SLC35D2: variants seen among roughly 807,000 people sequenced by gnomAD.
SLC35D2 encodes nucleotide sugar transporter SLC35D2.
A neutral mutation model predicts 41.8 loss-of-function variants in SLC35D2; 43 were observed. That is an observed-to-expected ratio of 1.03 (90% confidence interval 0.81 to 1.33). The LOEUF (loss-of-function observed/expected upper bound fraction) is 1.33. Ranked by LOEUF, SLC35D2 falls within the 40% of genes most tolerant of loss-of-function variation. SLC35D2 has a pLI of 0.00. For missense variants in SLC35D2, 380 were observed against 408.4 expected (o/e 0.93, Z 0.60); for synonymous variants, 150 against 163.9 (o/e 0.92, Z 0.65).
intron 7 of SLC35D2, 64 bp from the exon 8 acceptor site, chr9:96,344,060 C>A: frequency 9.9e-7 from 1 of 1,013,110 alleles, no homozygotes; most frequent in Admixed American, 2.3e-5. Flanking sequence ...TTTCCTGGAG[C>A]CATTTATACA....
intron 1 of SLC35D2, among the ~76,000 whole-genome samples, chr9:96,380,517 G>C (rs1206567420): frequency 6.6e-6 from 1 of 151,584 alleles, no homozygotes; most frequent in Admixed American, 6.6e-5. Context: ...GAGTGCAGTG[G>C]TGTGATCTCA....
chr9:96,335,003 G>T (rs762662764), intron 9 of SLC35D2, among the ~76,000 whole-genome samples: 9 of 152,196 alleles, frequency 5.9e-5, no homozygotes. Context: ...AAGATAGACA[G>T]AAATGTTTTT....
chr9:96,333,594 CAA>C (rs573718212), intron 9 of SLC35D2, among the ~76,000 whole-genome samples: 2 of 68,748 alleles, frequency 2.9e-5, no homozygotes, highest in African/African-American at 6.5e-5. Flanking sequence ...GACTCCGTCT[CAA>C]AAAAAAAAAA....
At chr9:96,342,656 G>A (rs112039897) in intron 8 of SLC35D2, among the ~76,000 whole-genome samples, 26 of 152,272 alleles carry the variant, frequency 1.7e-4, no homozygotes, top group African/African-American at 6.0e-4. Flanking sequence ...CGAGATTGGT[G>A]CCACTTGGTA....
intron 9 of SLC35D2, among the ~76,000 whole-genome samples, chr9:96,327,334 G>A (rs1199267230): frequency 2.0e-5 from 3 of 152,214 alleles, no homozygotes; most frequent in South Asian, 4.1e-4. Flanking sequence ...TGATCCTCCC[G>A]CCTGTCTTCC....
chr9:96,370,820 C>A (rs1830644965), intron 1 of SLC35D2, among the ~76,000 whole-genome samples: 2 of 151,994 alleles, frequency 1.3e-5, no homozygotes, highest in Admixed American at 1.3e-4. Context: ...AAGAATAAAA[C>A]CAATAAAACA....
intron 1 of SLC35D2, among the ~76,000 whole-genome samples, chr9:96,370,195 G>A (rs989727463): frequency 1.3e-5 from 2 of 152,158 alleles, no homozygotes; most frequent in African/African-American, 4.8e-5. Flanking sequence ...CAAGGCCCCT[G>A]GGATGAGGCC....
At chr9:96,355,471 G>C (rs1829984276) in intron 4 of SLC35D2, among the ~76,000 whole-genome samples, 1 of 151,220 alleles carries the variant, frequency 6.6e-6, no homozygotes, top group Non-Finnish European at 1.5e-5. Flanking sequence ...CTGGGCAACA[G>C]AGTGAGATAT....
intron 1 of SLC35D2, chr9:96,374,062 C>G (rs1288814441): frequency 6.6e-6 from 1 of 152,084 alleles, no homozygotes; most frequent in East Asian, 1.9e-4. Context: ...CTTTGCTTTC[C>G]CGTTTTCAGT....
intron 9 of SLC35D2, 103 bp downstream of exon 9, chr9:96,336,614 G>A (rs1176242896): frequency 2.6e-6 from 2 of 767,784 alleles, no homozygotes; most frequent in Admixed American, 5.2e-5. Context: ...GAAAGTCAGA[G>A]AAACACAAAG....
intron 9 of SLC35D2, among the ~76,000 whole-genome samples, chr9:96,327,219 T>C (rs1828576998): frequency 6.6e-6 from 1 of 152,222 alleles, no homozygotes; most frequent in South Asian, 2.1e-4. Flanking sequence ...CAACATTTTC[T>C]CCATCCTCCA....
chr9:96,336,062 AAAAG>A (rs1428643744), intron 9 of SLC35D2, among the ~76,000 whole-genome samples: 14 of 151,970 alleles, frequency 9.2e-5, no homozygotes, highest in South Asian at 8.3e-4. Flanking sequence ...AAAAAAAAAA[AAAAG>A]AAAGAAAGAA....
rs370994328 is a variant in SLC35D2, at chr9:96,368,292, T to A, written c.172A>T (p.Ile58Phe). 2.5e-6 allele frequency: 4 copies of A among 1,608,274 alleles called. No homozygotes were observed. The African/African-American group carries it at 5.4e-5, about 22-fold the overall frequency. Reference protein sequence around the residue: ...LLTTYGFPSPIFLGIGQMAAT... With the variant: ...LLTTYGFPSPFFLGIGQMAAT... The stretch of plus-strand genomic sequence containing the variant: ...CTCACCTGTCCAATTCCAAGGAAAA[T>A]TGGTGACGGGAAACTACAAAGGACA... The change falls in exon 2 of 12, where the codon ATT becomes TTT. Residue 58 changes from isoleucine to phenylalanine, a missense_variant. Transcript: ENST00000253270.
intron 9 of SLC35D2, among the ~76,000 whole-genome samples, chr9:96,325,917 T>C (rs1828505895): frequency 6.6e-6 from 1 of 152,170 alleles, no homozygotes; most frequent in African/African-American, 2.4e-5. Flanking sequence ...TGAGTGTGTT[T>C]ATTACTAGAG....
Position 96,376,290 on chromosome 9 carries a change from G to A in SLC35D2, c.158+7187C>T, listed in dbSNP as rs1227229232. Among the ~76,000 whole-genome samples the A allele has an allele frequency of 4.4e-5, 5 of 112,620 alleles. No homozygotes were observed. The East Asian group carries it at 1.3e-3, about 30-fold the overall frequency. 73.9% of individuals were successfully genotyped at this position (112,620 alleles called of 152,430 possible). ...AGCCCAGGTGACAGAGTGAGACTCT[G>A]TCTCAAAAAAAAAAAAAAAAAAAAT... On this transcript the variant is annotated intron_variant, in intron 1 of 11. Transcript: ENST00000253270.
intron 9 of SLC35D2, among the ~76,000 whole-genome samples, chr9:96,328,088 C>T (rs1268317784): frequency 2.0e-5 from 3 of 152,136 alleles, no homozygotes; most frequent in Admixed American, 1.3e-4. Context: ...AAAGAACCTT[C>T]GTTAACTCAG....
At position 96,344,831 on chromosome 9, in the gene SLC35D2, C is replaced by T. The variant is rs1387876536; in HGVS notation, c.591+468G>A. Among the ~76,000 whole-genome samples the T allele has an allele frequency of 3.3e-5, 5 of 151,900 alleles. No individual in the cohort carries two copies. In the South Asian group the frequency reaches 1.0e-3, roughly 32 times the overall value. ...ATCAGAAGCAGCAGCTATTGCTGGA[C>T]AAGACCTTACAAATTATCCATTGCA... is the stretch of plus-strand genomic sequence containing the variant. On this transcript the variant is annotated intron_variant, in intron 7 of 11. Coordinates refer to ENST00000253270, the MANE Select transcript of SLC35D2 (RefSeq NM_007001.3).
intron 3 of SLC35D2, among the ~76,000 whole-genome samples, chr9:96,362,825 T>C (rs1830327481): frequency 1.3e-5 from 2 of 151,944 alleles, no homozygotes; most frequent in South Asian, 4.1e-4. Flanking sequence ...AGCTTTCATA[T>C]ACTTCAACCT....
intron 1 of SLC35D2, among the ~76,000 whole-genome samples, chr9:96,376,198 G>A (rs1233786121): frequency 5.3e-5 from 8 of 151,568 alleles, no homozygotes; most frequent in African/African-American, 1.9e-4. Context: ...GGGAGGCTGA[G>A]GCAGGAGAAT....
Sources: allele counts gnomAD v4.1 joint callset (sites outside exome capture counted in the v4.1 genomes callset), GRCh38; gene constraint gnomAD v4.1.1; transcripts MANE v1.5; gene names NCBI Gene and HGNC (gene_info 2026-07-23, HGNC 2026-07-21).